PCSK1: variants seen among roughly 807,000 people sequenced by gnomAD.
The protein encoded by PCSK1 is neuroendocrine convertase 1.
Under a neutral mutation model 90.6 loss-of-function variants are expected in PCSK1, and 56 were observed. The observed-to-expected ratio is 0.62, with a 90% CI of 0.50 to 0.77. PCSK1 has a LOEUF of 0.77. Ranked by LOEUF, PCSK1 falls within the 30% of genes least tolerant of loss-of-function variation. PCSK1 has a pLI of 0.00. For missense variants in PCSK1, 801 were observed against 932.6 expected (o/e 0.86, Z 1.84); for synonymous variants, 348 against 342.4 (o/e 1.02, Z -0.18).
chr5:96,420,788 A>AGT (rs56193621), intron 5 of PCSK1, among the ~76,000 whole-genome samples: 237 of 53,054 alleles, frequency 4.5e-3, no homozygotes, highest in Non-Finnish European at 6.5e-3. Context: ...AGAGAGAGAA[A>AGT]GAGAGAGAGA....
At chr5:96,405,790 A>G (rs1194163829) in intron 9 of PCSK1, among the ~76,000 whole-genome samples, 2 of 152,226 alleles carry the variant, frequency 1.3e-5, no homozygotes. Context: ...CAGCTCTTAC[A>G]TAAAATTGGC....
rs776025746 is a variant in PCSK1, at chr5:96,399,080, C to T, written c.1431-44G>A. ...CAGCATTGAATAAAGTATATCCAAA[C>T]TTCCTTGCATTTTATGCATATCTGC... On this transcript the variant is annotated intron_variant, in intron 10 of 13. Transcript: ENST00000311106. The T allele has an allele frequency of 3.4e-6, 5 of 1,464,898 alleles. No homozygotes were observed. In the South Asian group the frequency reaches 5.9e-5, roughly 17 times the overall value. The allele number at this position is 1,464,898 out of a possible 1,614,324, so 90.7% of individuals were successfully genotyped here.
intron 6 of PCSK1, among the ~76,000 whole-genome samples, chr5:96,414,975 T>C (rs1452120494): frequency 1.3e-5 from 2 of 152,254 alleles, no homozygotes; most frequent in African/African-American, 4.8e-5. Context: ...AAATGCAAGG[T>C]ATACTCATGT....
intron 8 of PCSK1, among the ~76,000 whole-genome samples, chr5:96,410,282 G>A (rs1760712027): frequency 2.0e-5 from 3 of 152,074 alleles, no homozygotes; most frequent in Admixed American, 2.0e-4. Context: ...GTTCACCTCA[G>A]GGGACACTGA....
At position 96,425,864 on chromosome 5, in the gene PCSK1, G is replaced by A. The variant is rs750104173; in HGVS notation, c.352C>T (p.Leu118=). Residue 118 remains leucine (L), a synonymous_variant, in exon 3 of 14, where the codon CTA becomes TTA. Coordinates refer to ENST00000311106, the MANE Select transcript of PCSK1 (RefSeq NM_000439.5). ...CACATGGGATCATTGAAGAGATTTA[G>A]TGCTGAGTCCCTTAGAGCTGAACGT... ...SKRSALRDSA[L]NLFNDPMWNQ... 18 of 1,611,800 alleles carry A rather than the reference G, an allele frequency of 1.1e-5. No individual in the cohort carries two copies. Among genetic ancestry groups the A allele is most frequent in the Non-Finnish European group, 1.4e-5 (17 of 1,178,042 alleles).
At chr5:96,398,008 AAGAC>A (rs1370340650) in intron 11 of PCSK1, among the ~76,000 whole-genome samples, 1 of 152,128 alleles carries the variant, frequency 6.6e-6, no homozygotes, top group Non-Finnish European at 1.5e-5. Flanking sequence ...CTTATATTAA[AAGAC>A]AGGTTACCTG....
Position 96,393,135 on chromosome 5 carries a change from G to A in PCSK1, c.2128C>T (p.Pro710Ser). ...FYEALEKLNK[P>S]SQLKDSEDSL... ...TCTTCAGAGTCTTTAAGCTGGGAAG[G>A]TTTGTTCAGCTTTTCCAGGGCTTCG... The change falls in exon 14 of 14, where the codon CCT becomes TCT. Residue 710 changes from proline to serine, a missense_variant. Physicochemically the swap from Pro to Ser is moderately conservative, Grantham distance 74. Transcript: ENST00000311106. 1.9e-6 allele frequency: 3 copies of A among 1,614,200 alleles called. No homozygotes were observed. The highest frequency in any genetic ancestry group is 2.5e-6 in the Non-Finnish European group (3 of 1,180,030).
Position 96,393,181 on chromosome 5 carries a change from G to T in PCSK1, c.2082C>A (p.Asn694Lys). The stretch of plus-strand genomic sequence containing the variant: ...CTTCGTAGAAGTTTTCATAAGGGAT[G>T]TTGAGCTTTGCACTTGGGGACTTCT... ...SPKKSPSAKL[N>K]IPYENFYEAL... The change falls in exon 14 of 14, where the codon AAC (asparagine) becomes AAA (lysine). Residue 694 changes from asparagine (N) to lysine (K), a missense_variant. Physicochemically the swap from Asn to Lys is moderately conservative, Grantham distance 94. Transcript: ENST00000311106. 6.2e-7 allele frequency: 1 copy of T among 1,614,176 alleles called. No individual in the cohort carries two copies. The highest frequency in any genetic ancestry group is 8.5e-7 in the Non-Finnish European group (1 of 1,180,020).
At chr5:96,399,495 A>G (rs1432110066) in intron 10 of PCSK1, among the ~76,000 whole-genome samples, 1 of 152,190 alleles carries the variant, frequency 6.6e-6, no homozygotes, top group Non-Finnish European at 1.5e-5. Context: ...AGTGTATGAT[A>G]AAGAATCCCT....
chr5:96,420,899 T>C (rs773223943), intron 5 of PCSK1, among the ~76,000 whole-genome samples: 4 of 152,132 alleles, frequency 2.6e-5, no homozygotes, highest in Non-Finnish European at 4.4e-5. Context: ...ATGTGACATA[T>C]ACCAAGAGCT....
chr5:96,416,033 C>T lies in PCSK1; in HGVS notation c.709G>A (p.Gly237Ser), dbSNP rs1314709922. 1.3e-6 allele frequency: 2 copies of T among 1,596,612 alleles called. No homozygotes were observed. The highest frequency in any genetic ancestry group is 2.2e-5 in the East Asian group (1 of 44,786). The stretch of plus-strand genomic sequence containing the variant: ...CTATAGGGACAATCCTCTGTTTTAC[C>T]TCCAACTTTGGAATTGTATGCAACT... ...VGVAYNSKVG[G>S]IRMLDGIVTD... is the part of the protein sequence containing the mutation. Residue 237 changes from glycine (G) to serine (S), a missense_variant and splice_region_variant, in exon 6 of 14, where the codon GGC (glycine) becomes AGC (serine). Transcript: ENST00000311106.
At chr5:96,431,435 A>T (rs1189088663) in intron 1 of PCSK1, among the ~76,000 whole-genome samples, 1 of 152,200 alleles carries the variant, frequency 6.6e-6, no homozygotes, top group Non-Finnish European at 1.5e-5. Flanking sequence ...TGAGACTTCA[A>T]GTACAACTTC....
At position 96,416,120 on chromosome 5, in the gene PCSK1, G is replaced by T; in HGVS notation, c.622C>A (p.His208Asn). 1 of 1,602,116 alleles carries T rather than the reference G, an allele frequency of 6.2e-7. No homozygotes were observed. Reference protein sequence around the residue: ...PRYDPTNENKHGTRCAGEIAM... With the variant: ...PRYDPTNENKNGTRCAGEIAM... ...ATTTCTCCTGCACATCTGGTCCCGT[G>T]TCTGAGGATTGAAAAATAAGAATTA... Residue 208 changes from histidine to asparagine, a missense_variant and splice_region_variant, in exon 6 of 14, where the codon CAC becomes AAC. Physicochemically the swap from His to Asn is moderately conservative, Grantham distance 68. Coordinates refer to ENST00000311106, the MANE Select transcript of PCSK1 (RefSeq NM_000439.5).
chr5:96,403,500 AGCTGCTAACAACAGT>A (rs1229623017), intron 9 of PCSK1, among the ~76,000 whole-genome samples: 1 of 152,182 alleles, frequency 6.6e-6, no homozygotes, highest in African/African-American at 2.4e-5. Flanking sequence ...AATGAAAAGG[AGCTGCTAACAACAGT>A]GCAACTCATT....
At chr5:96,432,828 G>A (rs1761548746) in intron 1 of PCSK1, 35 bp downstream of exon 1, 1 of 1,596,026 alleles carries the variant, frequency 6.3e-7, no homozygotes, top group Non-Finnish European at 8.6e-7. Context: ...GTCCCCTGGG[G>A]CCCCAGAAAG....
At chr5:96,421,820 CT>C in intron 5 of PCSK1, 59 bp downstream of exon 5, 1 of 940,256 alleles carries the variant, frequency 1.1e-6, no homozygotes, top group Non-Finnish European at 1.8e-6. Context: ...GTATAATTTT[CT>C]CAAACAAGAT....
chr5:96,413,347 A>G (rs2112424754), intron 6 of PCSK1, among the ~76,000 whole-genome samples: 1 of 152,338 alleles, frequency 6.6e-6, no homozygotes, highest in South Asian at 2.1e-4. Flanking sequence ...ATCTGGACAG[A>G]TTACAGGCAG....
chr5:96,394,110 G>C (rs1760049459), intron 13 of PCSK1, among the ~76,000 whole-genome samples: 1 of 152,232 alleles, frequency 6.6e-6, no homozygotes, highest in African/African-American at 2.4e-5. Flanking sequence ...TATGTACTTT[G>C]CCTCTGTATC....
chr5:96,425,700 A>G (rs552003759), intron 3 of PCSK1, 120 bp downstream of exon 3: 7 of 695,188 alleles, frequency 1.0e-5, no homozygotes, highest in African/African-American at 1.8e-5. Flanking sequence ...TCTCCAGACA[A>G]TATAGCTCCC....
Sources: allele counts gnomAD v4.1 joint callset (sites outside exome capture counted in the v4.1 genomes callset), GRCh38; gene constraint gnomAD v4.1.1; transcripts MANE v1.5; gene names NCBI Gene and HGNC (gene_info 2026-07-23, HGNC 2026-07-21).